SYNRG: variants seen among roughly 807,000 people sequenced by gnomAD.
SYNRG encodes the protein synergin gamma.
In SYNRG, 37 loss-of-function variants were observed where a neutral mutation model predicts 130.9. The observed-to-expected ratio is 0.28, with a 90% CI of 0.22 to 0.37. The LOEUF is 0.37. Ranked by LOEUF, SYNRG falls within the 10% of genes least tolerant of loss-of-function variation. The probability of loss-of-function intolerance (pLI) is 1.00; values close to 1 mark genes in which losing one functional copy is unlikely to be tolerated. For synonymous variants in SYNRG, 539 were observed against 568.1 expected (o/e 0.95, Z 0.73); for missense variants, 1,338 against 1,588.9 (o/e 0.84, Z 2.68).
chr17:37,565,609 T>C lies in SYNRG; in HGVS notation c.1481+3182A>G, dbSNP rs534982973. On this transcript the variant is annotated intron_variant, in intron 11 of 21. Coordinates refer to ENST00000612223, the MANE Select transcript of SYNRG (RefSeq NM_007247.6). The stretch of plus-strand genomic sequence containing the variant: ...CATCTAGGAAGTGAGGAGCGCCTCT[T>C]CCCGGCTGCCATCACATCTAGGAAG... Among the ~76,000 whole-genome samples the C allele has an allele frequency of 1.8e-4, 26 of 145,006 alleles. No individual in the cohort carries two copies. The South Asian group carries it at 5.8e-3, about 32-fold the overall frequency.
At chr17:37,520,762 C>A in intron 19 of SYNRG, 114 bp from the exon 20 acceptor site, 1 of 773,926 alleles carries the variant, frequency 1.3e-6, no homozygotes, top group East Asian at 2.6e-5. Context: ...TACTCTAACA[C>A]CACCACTACA....
At chr17:37,525,388 G>T (rs1253799641) in intron 19 of SYNRG, among the ~76,000 whole-genome samples, 1 of 152,184 alleles carries the variant, frequency 6.6e-6, no homozygotes, top group Admixed American at 6.5e-5. Flanking sequence ...TGTCCAGGAA[G>T]ATCCTTATTA....
intron 11 of SYNRG, among the ~76,000 whole-genome samples, chr17:37,566,251 G>C (rs1478735166): frequency 6.7e-6 from 1 of 149,014 alleles, no homozygotes; most frequent in African/African-American, 2.6e-5. Context: ...TGTGTAGAAA[G>C]AAGTAGACAT....
At chr17:37,562,390 T>TTC (rs2059601165) in intron 11 of SYNRG, among the ~76,000 whole-genome samples, 1 of 151,696 alleles carries the variant, frequency 6.6e-6, no homozygotes, top group African/African-American at 2.4e-5. Flanking sequence ...AGCATTACTT[T>TTC]TTCTTCTTCT....
chr17:37,522,579 C>T (rs905891435), intron 19 of SYNRG, among the ~76,000 whole-genome samples: 10 of 151,714 alleles, frequency 6.6e-5, no homozygotes, highest in East Asian at 1.9e-4. Context: ...GCAATCCTCC[C>T]GCCTCAGCCT....
At chr17:37,608,921 G>C (rs1185256185) in intron 1 of SYNRG, among the ~76,000 whole-genome samples, 3 of 152,170 alleles carry the variant, frequency 2.0e-5, no homozygotes, top group African/African-American at 7.2e-5. Flanking sequence ...CAAGGAAAGG[G>C]AAGACCCTGG....
chr17:37,600,427 T>C, intron 1 of SYNRG, 24 bp from the exon 2 acceptor site: 1 of 1,611,904 alleles, frequency 6.2e-7, no homozygotes, highest in Non-Finnish European at 8.5e-7. Context: ...AAAAATACAT[T>C]ATAATCTTCG....
At chr17:37,540,283 C>A in intron 16 of SYNRG, 97 bp downstream of exon 16, 1 of 1,424,384 alleles carries the variant, frequency 7.0e-7, no homozygotes, top group South Asian at 1.3e-5. Flanking sequence ...CTTTCTGCCC[C>A]TCATTTTCCC....
chr17:37,577,262 A>C (rs1427059008), intron 7 of SYNRG, 118 bp downstream of exon 7: 2 of 913,332 alleles, frequency 2.2e-6, no homozygotes, highest in African/African-American at 3.3e-5. Flanking sequence ...ATATATTTCA[A>C]GCAAAATTTC....
chr17:37,533,410 A>C (rs118189301), intron 19 of SYNRG, among the ~76,000 whole-genome samples: 13,185 of 151,864 alleles, frequency 0.087, 740 homozygotes, highest in Admixed American at 0.14. Flanking sequence ...GGGGAAAAAA[A>C]AAAACAAAAC....
intron 2 of SYNRG, among the ~76,000 whole-genome samples, chr17:37,598,401 T>C (rs1278558059): frequency 6.6e-6 from 1 of 152,232 alleles, no homozygotes; most frequent in East Asian, 1.9e-4. Context: ...CAGGGAGAAT[T>C]AGAATACACA....
Position 37,599,294 on chromosome 17 carries a change from T to C in SYNRG, c.118+1069A>G, listed in dbSNP as rs143010921. Among the ~76,000 whole-genome samples the C allele has an allele frequency of 1.7e-3, 259 of 152,328 alleles. 1 individual carries two copies. Among genetic ancestry groups the C allele is most frequent in the Middle Eastern group, 6.8e-3 (2 of 294 alleles). On this transcript the variant is annotated intron_variant, in intron 2 of 21. Transcript: ENST00000612223. ...TTCCTTCTTCACTGTTGTGTCCCAG[T>C]TGCATGGCAGCATGGGTCAAAATTA...
rs397974119 is a variant in SYNRG, at chr17:37,608,995, C to CA, written c.77+283dup. On this transcript the variant is annotated intron_variant, in intron 1 of 21. Coordinates refer to ENST00000612223, the MANE Select transcript of SYNRG (RefSeq NM_007247.6). The stretch of plus-strand genomic sequence containing the variant: ...GTTCCTGATTTGCCCCGCCCCCCCC[C>CA]ACCCCAAGAGGACCCTCATCTTCTC... Among the ~76,000 whole-genome samples the CA allele has an allele frequency of 8.2e-5, 12 of 147,050 alleles. No homozygotes were observed. In the South Asian group the frequency reaches 1.1e-3, roughly 14 times the overall value.
chr17:37,571,540 C>T (rs973328633), intron 9 of SYNRG, among the ~76,000 whole-genome samples: 1 of 152,164 alleles, frequency 6.6e-6, no homozygotes, highest in Non-Finnish European at 1.5e-5. Context: ...TGAGATCTCG[C>T]CACTGCACTC....
chr17:37,581,337 G>T (rs2061319310), intron 6 of SYNRG, among the ~76,000 whole-genome samples: 1 of 152,050 alleles, frequency 6.6e-6, no homozygotes, highest in Admixed American at 6.6e-5. Context: ...GAGAACAGTG[G>T]CACAATCTCA....
At position 37,553,907 on chromosome 17, in the gene SYNRG, T is replaced by C; in HGVS notation, c.1816A>G (p.Thr606Ala). The change falls in exon 14 of 22, where the codon ACA becomes GCA. Residue 606 changes from threonine (T) to alanine (A), a missense_variant. Physicochemically the swap from Thr to Ala is moderately conservative, Grantham distance 58. Coordinates refer to ENST00000612223, the MANE Select transcript of SYNRG (RefSeq NM_007247.6). ...AAGTTCAGAGGGTTTTTCACTTGTG[T>C]TTGTTGTTTCTGTTGTATAGTTCCT... ...PSGTIQQKQQ[T>A]QVKNPLNLAD... The C allele has an allele frequency of 6.2e-7, 1 of 1,608,942 alleles. No homozygotes were observed. Among genetic ancestry groups the C allele is most frequent in the South Asian group, 1.1e-5 (1 of 89,886 alleles).
intron 8 of SYNRG, among the ~76,000 whole-genome samples, chr17:37,573,427 C>T (rs536896979): frequency 1.3e-5 from 2 of 151,936 alleles, no homozygotes; most frequent in Non-Finnish European, 2.9e-5. Context: ...ACAAAAAAAA[C>T]CATATTTTGA....
intron 19 of SYNRG, among the ~76,000 whole-genome samples, chr17:37,527,616 TA>T (rs973745250): frequency 3.9e-5 from 6 of 152,062 alleles, no homozygotes; most frequent in East Asian, 1.9e-4. Context: ...ATGATACAAA[TA>T]AAAAAATCCA....
At chr17:37,550,633 T>C (rs1048701) in intron 14 of SYNRG, among the ~76,000 whole-genome samples, 103,038 of 150,942 alleles carry the variant, frequency 0.68, 36,702 homozygotes, top group East Asian at 0.89. Context: ...TATACTAAAG[T>C]AAATTTGAAG....
Sources: gnomAD v4.1 joint callset for allele counts (sites outside exome capture counted in the v4.1 genomes callset) on GRCh38, gnomAD v4.1.1 for gene constraint, MANE v1.5 for transcripts, NCBI Gene and HGNC (gene_info 2026-07-23, HGNC 2026-07-21) for gene names.